Variants in PLA2G4E observed in about 807,000 individuals in gnomAD.
The protein encoded by PLA2G4E is cytosolic phospholipase A2 epsilon.
Under a neutral mutation model 109.1 loss-of-function variants are expected in PLA2G4E, and 84 were observed. That is an observed-to-expected ratio of 0.77 (90% CI 0.65 to 0.92). The LOEUF is 0.92. PLA2G4E is among the 40% of genes least tolerant of loss of function. The pLI, the probability that PLA2G4E is intolerant of heterozygous loss-of-function variation, is 0.00. For missense variants in PLA2G4E, 1,057 were observed against 1,076.6 expected (o/e 0.98, Z 0.25); for synonymous variants, 469 against 436.1 (o/e 1.08, Z -0.94).
chr15:41,999,816 G>T, intron 9 of PLA2G4E, 101 bp downstream of exon 9: 1 of 1,319,456 alleles, frequency 7.6e-7, no homozygotes, highest in Non-Finnish European at 1.1e-6. Context: ...ACCCTCACGA[G>T]TCACATTCTC....
intron 1 of PLA2G4E, among the ~76,000 whole-genome samples, chr15:42,017,556 G>A (rs1224964019): frequency 6.6e-6 from 1 of 152,156 alleles, no homozygotes; most frequent in Non-Finnish European, 1.5e-5. Flanking sequence ...TTGACACAGG[G>A]CTCACAGCTA....
intron 13 of PLA2G4E, 52 bp from the exon 14 acceptor site, chr15:41,990,287 A>G (rs936203222): frequency 1.3e-6 from 2 of 1,512,346 alleles, no homozygotes; most frequent in African/African-American, 1.4e-5. Flanking sequence ...AGGGTGAGGG[A>G]GGCAGTGCAG....
At chr15:42,026,972 C>CAAAAAAAAA (rs35499215) in intron 1 of PLA2G4E, among the ~76,000 whole-genome samples, 1 of 140,284 alleles carries the variant, frequency 7.1e-6, no homozygotes. Context: ...GACTCTATCT[C>CAAAAAAAAA]AAAAAAAAAA....
chr15:42,036,093 A>G (rs181469806), intron 1 of PLA2G4E, among the ~76,000 whole-genome samples: 1 of 152,274 alleles, frequency 6.6e-6, no homozygotes, highest in East Asian at 1.9e-4. Flanking sequence ...CTATTCCACA[A>G]CTTATGATTT....
chr15:42,005,758 T>A (rs187008859), intron 4 of PLA2G4E, among the ~76,000 whole-genome samples: 7 of 152,354 alleles, frequency 4.6e-5, no homozygotes, highest in African/African-American at 1.7e-4. Context: ...AACAACCTTG[T>A]GTGGTAGGTA....
intron 1 of PLA2G4E, among the ~76,000 whole-genome samples, chr15:42,023,744 TG>T (rs1439389573): frequency 6.6e-6 from 1 of 152,160 alleles, no homozygotes; most frequent in African/African-American, 2.4e-5. Flanking sequence ...GCCTCCTATT[TG>T]GCCTCTTCTC....
At chr15:42,005,896 C>T in intron 4 of PLA2G4E, 94 bp downstream of exon 4, 2 of 1,447,844 alleles carry the variant, frequency 1.4e-6, no homozygotes, top group Non-Finnish European at 9.5e-7. Flanking sequence ...ACTGTGTACA[C>T]AGAGAAGACC....
At chr15:42,043,740 A>G (rs570821930) in intron 1 of PLA2G4E, among the ~76,000 whole-genome samples, 1 of 152,292 alleles carries the variant, frequency 6.6e-6, no homozygotes, top group South Asian at 2.1e-4. Context: ...CTGGGGCAGC[A>G]GTCAGCAATT....
chr15:42,046,843 T>A (rs1889425155), intron 1 of PLA2G4E, among the ~76,000 whole-genome samples: 1 of 152,112 alleles, frequency 6.6e-6, no homozygotes, highest in Non-Finnish European at 1.5e-5. Context: ...GGGCAGGAGA[T>A]GGTAACTCCT....
Position 41,991,000 on chromosome 15 carries a change from G to C in PLA2G4E, c.1471-765C>G, listed in dbSNP as rs1268291937. 3.9e-5 allele frequency among the ~76,000 whole-genome samples: 6 copies of C among 152,136 alleles called. No individual in the cohort carries two copies. In the East Asian group the frequency reaches 1.2e-3, roughly 30 times the overall value. ...GTGCAAAGGCTACAGAACCTGTGTG[G>C]AATGGCAAACACATGTATATGCCCA... On this transcript the variant is annotated intron_variant, in intron 13 of 19. Coordinates refer to ENST00000399518, the Ensembl canonical transcript of PLA2G4E.
At chr15:41,993,907 TGTGC>T (rs2068292077) in intron 12 of PLA2G4E, among the ~76,000 whole-genome samples, 1 of 152,202 alleles carries the variant, frequency 6.6e-6, no homozygotes, top group Non-Finnish European at 1.5e-5. Context: ...GAATACGACT[TGTGC>T]TTTCCCCAGG....
intron 2 of PLA2G4E, among the ~76,000 whole-genome samples, chr15:42,010,749 C>A (rs774994401): frequency 6.6e-6 from 1 of 152,196 alleles, no homozygotes; most frequent in South Asian, 2.1e-4. Context: ...GTTTTAATTT[C>A]TCAAGAGAAA....
exon 20 of PLA2G4E, chr15:41,983,605 T>G: frequency 4.4e-6 from 3 of 680,040 alleles, no homozygotes; most frequent in South Asian, 2.0e-5. Flanking sequence ...TTTTTAAAAT[T>G]TTTTACTTTT....
chr15:41,997,458 G>T, intron 10 of PLA2G4E, 199 bp from the exon 11 acceptor site: 1 of 481,210 alleles, frequency 2.1e-6, no homozygotes, highest in Non-Finnish European at 3.5e-6. Context: ...CACTTAAAGA[G>T]ATAACAAATG....
At chr15:42,002,759 C>A (rs370534960) in intron 5 of PLA2G4E, 63 bp from the exon 6 acceptor site, 3 of 1,401,268 alleles carry the variant, frequency 2.1e-6, no homozygotes, top group African/African-American at 2.9e-5. Flanking sequence ...CTTCTAATGG[C>A]GACAAAGGGA....
chr15:42,044,700 A>G (rs55954236), intron 1 of PLA2G4E, among the ~76,000 whole-genome samples: 26,763 of 147,302 alleles, frequency 0.18, 2,681 homozygotes, highest in South Asian at 0.31. Flanking sequence ...TGAGTTAATG[A>G]GTGCAGCACA....
intron 1 of PLA2G4E, among the ~76,000 whole-genome samples, chr15:42,038,540 T>C (rs1889258238): frequency 6.6e-6 from 1 of 152,208 alleles, no homozygotes. Context: ...GTGTTTGCAC[T>C]CCTATGAGGA....
At chr15:42,049,529 C>T (rs971473396) in intron 1 of PLA2G4E, among the ~76,000 whole-genome samples, 2 of 152,176 alleles carry the variant, frequency 1.3e-5, no homozygotes, top group African/African-American at 2.4e-5. Context: ...CCCCAAGCAG[C>T]CCTCAGTTAC....
intron 5 of PLA2G4E, 79 bp downstream of exon 5, chr15:42,004,859 C>G: frequency 2.6e-6 from 4 of 1,532,196 alleles, no homozygotes; most frequent in Non-Finnish European, 3.6e-6. Flanking sequence ...AAAAGGCCGA[C>G]CTGCCTCTGA....
Sources: gnomAD v4.1 joint callset for allele counts (sites outside exome capture counted in the v4.1 genomes callset) on GRCh38, gnomAD v4.1.1 for gene constraint, MANE v1.5 for transcripts, NCBI Gene and HGNC (gene_info 2026-07-23, HGNC 2026-07-21) for gene names.